Variants in RGPD2 observed in about 807,000 individuals in gnomAD.
RGPD2 encodes RANBP2-like and GRIP domain-containing protein 2.
In RGPD2, 2 loss-of-function variants were observed where a neutral mutation model predicts 36.0. The ratio of observed to expected loss-of-function variants is 0.06; its 90% confidence interval spans 0.02 to 0.17. RGPD2 has a LOEUF of 0.17. Ranked by LOEUF, RGPD2 falls within the 10% of genes least tolerant of loss-of-function variation. The probability of loss-of-function intolerance (pLI) is 1.00; values close to 1 mark genes in which losing one functional copy is unlikely to be tolerated. For missense variants in RGPD2, 40 were observed against 464.3 expected (o/e 0.09, Z 8.40); for synonymous variants, 19 against 163.8 (o/e 0.12, Z 6.75).
chr2:87,834,524 T>C, the RGPD2 span, among the ~76,000 whole-genome samples: 2 of 152,100 alleles, frequency 1.3e-5, no homozygotes, highest in African/African-American at 2.4e-5. Flanking sequence ...AGTGTGAATA[T>C]ATAGAAAAAA....
At chr2:87,943,740 C>T in the RGPD2 span, among the ~76,000 whole-genome samples, 1 of 151,562 alleles carries the variant, frequency 6.6e-6, no homozygotes, top group African/African-American at 2.4e-5. Flanking sequence ...AGCTTTCCCT[C>T]TATGTTTTCT....
chr2:87,864,238 T>A, the RGPD2 span, among the ~76,000 whole-genome samples: 1 of 152,240 alleles, frequency 6.6e-6, no homozygotes, highest in Admixed American at 6.5e-5. Context: ...AGGGCCTGAA[T>A]AAAATAAAAA....
chr2:87,975,779 AC>A, the RGPD2 span, among the ~76,000 whole-genome samples: 2 of 149,654 alleles, frequency 1.3e-5, no homozygotes, highest in Admixed American at 1.3e-4. Context: ...TCATCTGTGT[AC>A]CCCCACAGCA....
At chr2:87,935,453 G>A in the RGPD2 span, among the ~76,000 whole-genome samples, 3,715 of 146,138 alleles carry the variant, frequency 0.025, 172 homozygotes, top group African/African-American at 0.088. Flanking sequence ...TGCTGCAGTG[G>A]TATAAAATAT....
At chr2:87,807,473 ACCTCCCAGGT>A (rs1296778321) in intron 6 of RGPD2, among the ~76,000 whole-genome samples, 1 of 133,188 alleles carries the variant, frequency 7.5e-6, no homozygotes. Context: ...TGCAACCTCC[ACCTCCCAGGT>A]TCAAGTGATT....
chr2:87,836,324 C>T, the RGPD2 span, among the ~76,000 whole-genome samples: 20 of 143,346 alleles, frequency 1.4e-4, no homozygotes, highest in African/African-American at 2.6e-4. Context: ...AGAGGGAGGA[C>T]GGAAGGAAGG....
chr2:87,972,781 C>G, the RGPD2 span: 9 of 1,611,592 alleles, frequency 5.6e-6, no homozygotes, highest in East Asian at 2.2e-5. Context: ...AGAGTGGTCA[C>G]TGCTGCAGGG....
At chr2:87,919,698 G>C in the RGPD2 span, among the ~76,000 whole-genome samples, 2 of 145,174 alleles carry the variant, frequency 1.4e-5, no homozygotes, top group Admixed American at 6.8e-5. Flanking sequence ...AGTAGTGTGG[G>C]AAAGGTCACA....
the RGPD2 span, among the ~76,000 whole-genome samples, chr2:87,915,357 T>TTGTATATATGTATATTATATATATTG: frequency 8.6e-6 from 1 of 116,482 alleles, no homozygotes. Context: ...ATTATATATA[T>TTGTATATATGTATATTATATATATTG]TATATATATA....
intron 22 of RGPD2, among the ~76,000 whole-genome samples, chr2:87,761,777 TTAGTGATAC>T (rs1467911246): frequency 8.9e-6 from 1 of 111,736 alleles, no homozygotes; most frequent in African/African-American, 3.0e-5. Flanking sequence ...TGGAGTTTAG[TTAGTGATAC>T]TATACCAAGA....
the RGPD2 span, among the ~76,000 whole-genome samples, chr2:87,919,647 AC>A: frequency 1.4e-5 from 2 of 144,924 alleles, no homozygotes; most frequent in Non-Finnish European, 3.0e-5. Flanking sequence ...GCAAAGATAT[AC>A]TTTATATCTG....
chr2:87,857,535 G>A, the RGPD2 span, among the ~76,000 whole-genome samples: 131 of 151,046 alleles, frequency 8.7e-4, no homozygotes, highest in South Asian at 9.0e-3. Context: ...GTAGAGACGG[G>A]GTTTCACCGT....
the RGPD2 span, among the ~76,000 whole-genome samples, chr2:87,983,061 T>C: frequency 7.1e-6 from 1 of 141,590 alleles, no homozygotes; most frequent in Non-Finnish European, 1.5e-5. Context: ...GGTTCACACC[T>C]GTAATCCTAG....
chr2:87,914,041 CACAG>C, the RGPD2 span, among the ~76,000 whole-genome samples: 49 of 151,942 alleles, frequency 3.2e-4, no homozygotes, highest in African/African-American at 1.2e-3. Flanking sequence ...CAAAATAAAA[CACAG>C]ACAGTTTATT....
At chr2:87,845,438 A>T in the RGPD2 span, among the ~76,000 whole-genome samples, 1 of 151,830 alleles carries the variant, frequency 6.6e-6, no homozygotes, top group Non-Finnish European at 1.5e-5. Context: ...ATAGTAACAT[A>T]TTCATAAAAG....
intron 1 of RGPD2, among the ~76,000 whole-genome samples, chr2:87,824,714 G>GGCCGCCGCC (rs1163205537): frequency 1.3e-5 from 1 of 78,520 alleles, no homozygotes; most frequent in Non-Finnish European, 2.4e-5. Context: ...CCGAGGCCGA[G>GGCCGCCGCC]GCCGCCGCCG....
intron 20 of RGPD2, chr2:87,781,109 C>T: frequency 2.7e-5 from 3 of 109,220 alleles, no homozygotes; most frequent in Non-Finnish European, 4.7e-5. Context: ...CTAAGGGCTA[C>T]CAGCTGCTAA....
chr2:87,855,385 G>T, the RGPD2 span, among the ~76,000 whole-genome samples: 1 of 148,450 alleles, frequency 6.7e-6, no homozygotes, highest in Non-Finnish European at 1.5e-5. Flanking sequence ...AAATCCTTGT[G>T]TTTTAATACA....
At chr2:87,919,401 G>T in the RGPD2 span, among the ~76,000 whole-genome samples, 2 of 151,738 alleles carry the variant, frequency 1.3e-5, no homozygotes, top group African/African-American at 2.4e-5. Flanking sequence ...TTACACTATG[G>T]GTACATCTGA....
Sources: gnomAD v4.1 joint callset for allele counts (sites outside exome capture counted in the v4.1 genomes callset) on GRCh38, gnomAD v4.1.1 for gene constraint, MANE v1.5 for transcripts, NCBI Gene and HGNC (gene_info 2026-07-23, HGNC 2026-07-21) for gene names.